The following FAM149B1 variants were observed in gnomAD, a reference collection of about 807,000 sequenced individuals.
FAM149B1 encodes the protein primary cilium assembly protein FAM149B1.
In FAM149B1, 56 loss-of-function variants were observed where a neutral mutation model predicts 75.3. That is an observed-to-expected ratio of 0.74 (90% confidence interval 0.60 to 0.93). The LOEUF (loss-of-function observed/expected upper bound fraction) is 0.93. FAM149B1 is among the 40% of genes least tolerant of loss of function. The probability of loss-of-function intolerance (pLI) is 0.00; values close to 1 mark genes in which losing one functional copy is unlikely to be tolerated. For synonymous variants in FAM149B1, 259 were observed against 256.1 expected, an observed-to-expected ratio of 1.01 and a Z score of -0.11; for missense variants, 639 against 708.4, an observed-to-expected ratio of 0.90 and a Z score of 1.11.
At chr10:73,178,078 T>C (rs1450079666) in intron 3 of FAM149B1, 103 bp downstream of exon 3, 1 of 1,161,786 alleles carries the variant, frequency 8.6e-7, no homozygotes, top group African/African-American at 1.6e-5. Context: ...ATTGTTTCTT[T>C]ACATTTATCA....
intron 3 of FAM149B1, among the ~76,000 whole-genome samples, chr10:73,187,606 G>A (rs1006273749): frequency 6.6e-6 from 1 of 151,888 alleles, no homozygotes; most frequent in Non-Finnish European, 1.5e-5. Context: ...GCGCAGGCCT[G>A]TAATCCCAGC....
In FAM149B1 at chr10:73,168,363, G is replaced by C; in HGVS notation, c.24G>C (p.Lys8Asn). MISRYTR[K>N]AVPQSLELKG... ...GGATGATCTCCAGATACACTCGGAAGGCGGTGCCACAGAGCTTGGAGCTGT... is the reference window on the plus strand; with the variant it reads ...GGATGATCTCCAGATACACTCGGAACGCGGTGCCACAGAGCTTGGAGCTGT... Residue 8 changes from lysine to asparagine, a missense_variant, in exon 1 of 14, where the codon AAG becomes AAC. Transcript: ENST00000242505. 2 of 1,550,154 alleles carry C rather than the reference G, an allele frequency of 1.3e-6. No individual in the cohort carries two copies. Among genetic ancestry groups the C allele is most frequent in the Non-Finnish European group, 1.7e-6 (2 of 1,146,872 alleles).
rs1168431912 is a variant in FAM149B1, at chr10:73,210,250, G to C, written c.711-1G>C. 2.6e-6 allele frequency: 4 copies of C among 1,548,828 alleles called. No homozygotes were observed. Among genetic ancestry groups the C allele is most frequent in the African/African-American group, 2.7e-5 (2 of 72,980 alleles). On this transcript the variant is annotated splice_acceptor_variant, in intron 6 of 13. Transcript: ENST00000242505. LOFTEE classifies it high-confidence loss of function. ...GTCTTTCCTTCTTGCTTCTGTTACA[G>C]AGAAGAGGGATTTCATGGGAAGAAA...
At chr10:73,203,454 A>G (rs2042984168) in intron 5 of FAM149B1, among the ~76,000 whole-genome samples, 2 of 152,154 alleles carry the variant, frequency 1.3e-5, no homozygotes, top group South Asian at 4.1e-4. Context: ...ATGAAATTAT[A>G]CATTTTGTAA....
intron 12 of FAM149B1, among the ~76,000 whole-genome samples, chr10:73,238,295 C>T (rs902140995): frequency 6.6e-6 from 1 of 152,110 alleles, no homozygotes; most frequent in Admixed American, 6.6e-5. Flanking sequence ...TGCAGTGAGC[C>T]GAGATCGTGC....
At chr10:73,240,687 TG>T (rs369444900) in intron 13 of FAM149B1, among the ~76,000 whole-genome samples, 1 of 142,570 alleles carries the variant, frequency 7.0e-6, no homozygotes, top group Non-Finnish European at 1.5e-5. Context: ...ACCTCCAGCC[TG>T]GGGGGACAGA....
chr10:73,224,545 C>T (rs1390378910), intron 7 of FAM149B1, among the ~76,000 whole-genome samples: 1 of 145,902 alleles, frequency 6.9e-6, no homozygotes, highest in Non-Finnish European at 1.5e-5. Context: ...GATCTCGGCT[C>T]ACTGCAAGCT....
intron 13 of FAM149B1, among the ~76,000 whole-genome samples, chr10:73,240,412 T>C (rs927828352): frequency 6.6e-5 from 10 of 152,200 alleles, no homozygotes; most frequent in African/African-American, 1.7e-4. Flanking sequence ...TTCAGCCACA[T>C]TGAAAGTCAG....
At chr10:73,175,362 G>A (rs975994646) in intron 2 of FAM149B1, among the ~76,000 whole-genome samples, 8 of 151,674 alleles carry the variant, frequency 5.3e-5, no homozygotes, top group South Asian at 2.1e-4. Flanking sequence ...AGAGCAAGAC[G>A]TTGTTTCAAG....
chr10:73,183,905 A>G (rs1377963087), intron 3 of FAM149B1, among the ~76,000 whole-genome samples: 3 of 152,222 alleles, frequency 2.0e-5, no homozygotes, highest in African/African-American at 7.2e-5. Flanking sequence ...AACAGCATGT[A>G]AGTAACAGTA....
intron 3 of FAM149B1, among the ~76,000 whole-genome samples, chr10:73,191,847 A>G (rs553300095): frequency 5.3e-5 from 8 of 152,268 alleles, no homozygotes; most frequent in Non-Finnish European, 1.2e-4. Context: ...TGTATTTTTC[A>G]AAGTGTTTAC....
At position 73,243,411 on chromosome 10, in the gene FAM149B1, C is replaced by T. The variant is rs1429044986; in HGVS notation, c.*2392C>T. 2 of 1,613,766 alleles carry T rather than the reference C, an allele frequency of 1.2e-6. No individual in the cohort carries two copies. Among genetic ancestry groups the T allele is most frequent in the Non-Finnish European group, 1.7e-6 (2 of 1,179,920 alleles). On this transcript the variant is annotated 3_prime_UTR_variant, in exon 14 of 14. Coordinates refer to ENST00000242505, the MANE Select transcript of FAM149B1 (RefSeq NM_173348.2). ...AGAGAAAAATTCCATTATTTCTTTTCTTTCTTGAGAGCAGATTTTTTCCCT... is the reference window on the plus strand; with the variant it reads ...AGAGAAAAATTCCATTATTTCTTTTTTTTCTTGAGAGCAGATTTTTTCCCT...
At chr10:73,239,989 ATCAT>A (rs2043905402) in intron 13 of FAM149B1, among the ~76,000 whole-genome samples, 5 of 152,212 alleles carry the variant, frequency 3.3e-5, no homozygotes, top group Non-Finnish European at 7.3e-5. Context: ...CAGTGGCATG[ATCAT>A]GGCTCACTGT....
At chr10:73,237,326 G>A (rs1274203148) in intron 12 of FAM149B1, among the ~76,000 whole-genome samples, 1 of 152,176 alleles carries the variant, frequency 6.6e-6, no homozygotes, top group Admixed American at 6.5e-5. Flanking sequence ...CAGAAAGTTT[G>A]AGAACTTCTA....
At chr10:73,173,188 G>C (rs554509092) in intron 1 of FAM149B1, among the ~76,000 whole-genome samples, 1 of 152,284 alleles carries the variant, frequency 6.6e-6, no homozygotes, top group East Asian at 1.9e-4. Flanking sequence ...ACAGGAAGTT[G>C]TAAAAATAGT....
At chr10:73,227,979 C>G in intron 7 of FAM149B1, 81 bp from the exon 8 acceptor site, 1 of 1,355,314 alleles carries the variant, frequency 7.4e-7, no homozygotes. Flanking sequence ...TATGAATTCT[C>G]AGGAGAGATC....
intron 5 of FAM149B1, among the ~76,000 whole-genome samples, chr10:73,198,996 T>G (rs2042871207): frequency 6.6e-6 from 1 of 152,156 alleles, no homozygotes; most frequent in South Asian, 2.1e-4. Flanking sequence ...TGCGGAACTC[T>G]ACTTCCTAAT....
In FAM149B1 at chr10:73,242,393, T is replaced by G. The variant is rs1203090852; in HGVS notation, c.*1374T>G. On this transcript the variant is annotated 3_prime_UTR_variant, in exon 14 of 14. Coordinates refer to ENST00000242505, the MANE Select transcript of FAM149B1 (RefSeq NM_173348.2). ...GAGTTCACTATAACAACTGGATCAA[T>G]ATGGCTTGCCTTTCAAAGTTAAAGA... The G allele has an allele frequency of 2.0e-5, 3 of 151,362 alleles. No homozygotes were observed. Among genetic ancestry groups the G allele is most frequent in the Non-Finnish European group, 4.4e-5 (3 of 67,974 alleles). The allele number at this position is 151,362 out of a possible 1,614,324, so 9.4% of individuals were successfully genotyped here. A position where few individuals can be genotyped will look rare whatever the true frequency, so the allele number is the denominator to read the frequency against.
chr10:73,222,386 T>G (rs1328554372), intron 7 of FAM149B1, among the ~76,000 whole-genome samples: 1 of 152,188 alleles, frequency 6.6e-6, no homozygotes, highest in Non-Finnish European at 1.5e-5. Context: ...CAGTATTCCT[T>G]GTTCCACGTG....
Sources: allele counts gnomAD v4.1 joint callset (sites outside exome capture counted in the v4.1 genomes callset), GRCh38; gene constraint gnomAD v4.1.1; transcripts MANE v1.5; gene names NCBI Gene and HGNC (gene_info 2026-07-23, HGNC 2026-07-21).